The following SKAP1 variants were observed in gnomAD, a reference collection of about 807,000 sequenced individuals.
The protein encoded by SKAP1 is src kinase-associated phosphoprotein 1.
A neutral mutation model predicts 58.5 loss-of-function variants in SKAP1; 44 were observed. The observed-to-expected ratio is 0.75, with a 90% CI of 0.59 to 0.97. SKAP1 has a LOEUF of 0.97. Ranked by LOEUF, SKAP1 falls within the 50% of genes least tolerant of loss-of-function variation. The pLI is 0.00. For missense variants in SKAP1, 390 were observed against 435.2 expected (o/e 0.90, Z 0.92); for synonymous variants, 127 against 149.7 (o/e 0.85, Z 1.11).
upstream of SKAP1, chr17:48,430,241 A>C: frequency 4.0e-6 from 2 of 500,760 alleles, no homozygotes. Flanking sequence ...CCGCCCGCCC[A>C]GCCCGGCCGC....
chr17:48,279,433 T>C (rs1240322080), intron 4 of SKAP1, among the ~76,000 whole-genome samples: 2 of 152,186 alleles, frequency 1.3e-5, no homozygotes, highest in Non-Finnish European at 2.9e-5. Flanking sequence ...ATTGATCCAC[T>C]AGACACTAAC....
chr17:48,375,498 T>C (rs1420685549), intron 2 of SKAP1, among the ~76,000 whole-genome samples: 5 of 152,160 alleles, frequency 3.3e-5, no homozygotes, highest in Non-Finnish European at 7.3e-5. Flanking sequence ...ACCTAAGAAC[T>C]CTTTTTGATC....
chr17:48,427,730 C>T (rs2067869694), intron 1 of SKAP1, among the ~76,000 whole-genome samples: 1 of 150,970 alleles, frequency 6.6e-6, no homozygotes, highest in Non-Finnish European at 1.5e-5. Context: ...AGTGTTAAAT[C>T]ACTGTGCAAA....
chr17:48,386,887 A>C (rs1360027639), intron 2 of SKAP1, among the ~76,000 whole-genome samples: 1 of 152,250 alleles, frequency 6.6e-6, no homozygotes, highest in Non-Finnish European at 1.5e-5. Flanking sequence ...GGGCACCTAA[A>C]TATTCAGTAG....
At chr17:48,282,875 A>G (rs770434297) in intron 4 of SKAP1, among the ~76,000 whole-genome samples, 23 of 152,082 alleles carry the variant, frequency 1.5e-4, no homozygotes, top group Non-Finnish European at 3.4e-4. Context: ...AAACCCACCC[A>G]TCTGAGGGAA....
intron 4 of SKAP1, among the ~76,000 whole-genome samples, chr17:48,342,162 C>G (rs2066661824): frequency 6.6e-6 from 1 of 152,186 alleles, no homozygotes; most frequent in Admixed American, 6.5e-5. Flanking sequence ...TTTCCTACTA[C>G]ATTTTTTTCC....
chr17:48,162,828 T>C (rs771160667), intron 10 of SKAP1, among the ~76,000 whole-genome samples: 1 of 152,178 alleles, frequency 6.6e-6, no homozygotes. Flanking sequence ...TATTTATTTA[T>C]TAATAAAAGA....
intron 4 of SKAP1, among the ~76,000 whole-genome samples, chr17:48,256,175 ATGTGTGTGTG>A (rs35261737): frequency 6.7e-6 from 1 of 149,752 alleles, no homozygotes; most frequent in Non-Finnish European, 1.5e-5. Flanking sequence ...GTTTACCAAA[ATGTGTGTGTG>A]TGTGTGTGTG....
rs977884836 is a variant in SKAP1, at chr17:48,277,398, ACT to A, written c.280+68505_280+68506del. On this transcript the variant is annotated intron_variant, in intron 4 of 12. Coordinates refer to ENST00000336915, the MANE Select transcript of SKAP1 (RefSeq NM_003726.4). ...TTTGCGGATAGTCTAATTTATCTAT[ACT>A]GAAATTAAACATTTAAAAAGGTCTG... is the stretch of plus-strand genomic sequence containing the variant. Among the ~76,000 whole-genome samples the A allele has an allele frequency of 1.3e-5, 2 of 152,232 alleles. 1 individual carries two copies. The highest frequency in any genetic ancestry group is 4.1e-4 in the South Asian group (2 of 4,832).
At chr17:48,442,587 C>T in the SKAP1 span, among the ~76,000 whole-genome samples, 1 of 152,290 alleles carries the variant, frequency 6.6e-6, no homozygotes, top group African/African-American at 2.4e-5. Flanking sequence ...GTCACCTTCT[C>T]CTTCCAACTT....
At chr17:48,327,339 C>A (rs931385486) in intron 4 of SKAP1, among the ~76,000 whole-genome samples, 1 of 152,162 alleles carries the variant, frequency 6.6e-6, no homozygotes, top group Non-Finnish European at 1.5e-5. Flanking sequence ...GCTAATGGAA[C>A]ATTCTGTCAG....
intron 8 of SKAP1, 87 bp downstream of exon 8, chr17:48,182,307 C>A: frequency 1.1e-6 from 1 of 942,476 alleles, no homozygotes; most frequent in Non-Finnish European, 1.7e-6. Flanking sequence ...AGAAAAAATA[C>A]ATACTGAAGT....
intron 4 of SKAP1, among the ~76,000 whole-genome samples, chr17:48,301,628 C>T (rs1371147310): frequency 6.6e-6 from 1 of 152,078 alleles, no homozygotes; most frequent in Non-Finnish European, 1.5e-5. Context: ...AGGCACCCAC[C>T]ACCATGCCCA....
intron 4 of SKAP1, chr17:48,203,673 A>C (rs2064758224): frequency 6.6e-6 from 1 of 152,190 alleles, no homozygotes; most frequent in South Asian, 2.1e-4. Context: ...GGGGCAGAGA[A>C]GTTTATTACC....
At chr17:48,176,062 A>G (rs1203948448) in intron 9 of SKAP1, among the ~76,000 whole-genome samples, 1 of 152,206 alleles carries the variant, frequency 6.6e-6, no homozygotes. Flanking sequence ...ACAGGGGGAA[A>G]AATAATTCCA....
chr17:48,157,131 TAGG>T (rs1047051186), intron 11 of SKAP1, among the ~76,000 whole-genome samples: 10 of 152,220 alleles, frequency 6.6e-5, no homozygotes, highest in African/African-American at 2.4e-4. Flanking sequence ...TTATCAGGAT[TAGG>T]AGATTTTTGC....
rs575144396 is a variant in SKAP1, at chr17:48,413,333, G to A, written c.47-16548C>T. Reference sequence around the variant, plus strand: ...AGTTTGAGACCAGCCTGACCAACATGGAGAAACCCTGTCTCCACTAAAAAT... The same window carrying A: ...AGTTTGAGACCAGCCTGACCAACATAGAGAAACCCTGTCTCCACTAAAAAT... On this transcript the variant is annotated intron_variant, in intron 1 of 12. Transcript: ENST00000336915. Among the ~76,000 whole-genome samples, 4 of 150,884 alleles carry A rather than the reference G, an allele frequency of 2.7e-5. No homozygotes were observed. In the South Asian group the frequency reaches 8.3e-4, roughly 31 times the overall value.
intron 4 of SKAP1, among the ~76,000 whole-genome samples, chr17:48,204,958 C>CT (rs71366845): frequency 8.3e-6 from 1 of 120,718 alleles, no homozygotes; most frequent in African/African-American, 3.2e-5. Context: ...CCTCCTTCCT[C>CT]TTTCTTTTCT....
chr17:48,332,958 A>C (rs2066524951), intron 4 of SKAP1, among the ~76,000 whole-genome samples: 1 of 152,196 alleles, frequency 6.6e-6, no homozygotes, highest in Non-Finnish European at 1.5e-5. Flanking sequence ...TAAGAGTTTA[A>C]AGAACATTAT....
Sources: gnomAD v4.1 joint callset for allele counts (sites outside exome capture counted in the v4.1 genomes callset) on GRCh38, gnomAD v4.1.1 for gene constraint, MANE v1.5 for transcripts, NCBI Gene and HGNC (gene_info 2026-07-23, HGNC 2026-07-21) for gene names.